AGMO: variants seen among roughly 807,000 people sequenced by gnomAD.
The protein encoded by AGMO is alkylglycerol monooxygenase.
Under a neutral mutation model 60.2 loss-of-function variants are expected in AGMO, and 75 were observed. That is an observed-to-expected ratio of 1.25 (90% CI 1.03 to 1.51). The LOEUF (loss-of-function observed/expected upper bound fraction) is 1.51, where lower values mean the gene tolerates loss of function less well. Among genes scored for constraint, AGMO ranks in the 40% most tolerant of loss-of-function variants. The pLI, the probability that AGMO is intolerant of heterozygous loss-of-function variation, is 0.00. For synonymous variants in AGMO, 261 were observed against 177.1 expected (o/e 1.47, Z -3.76); for missense variants, 763 against 525.5 (o/e 1.45, Z -4.42).
chr7:15,259,899 C>CAAAAAAA (rs71549927), intron 12 of AGMO, among the ~76,000 whole-genome samples: 4 of 9,410 alleles, frequency 4.3e-4, no homozygotes, highest in African/African-American at 1.0e-3. Context: ...ACAAGAACTG[C>CAAAAAAA]AAAAAAAAAA....
rs1781272892 is a variant in AGMO at position 15,201,299 on chromosome 7, G to C, written c.1324C>G (p.His442Asp). Residue 442 changes from histidine (H) to aspartate (D), a missense_variant, in exon 13 of 13, where the codon CAC becomes GAC. Coordinates refer to ENST00000342526, the MANE Select transcript of AGMO (RefSeq NM_001004320.2). ...GVRSMKQLTS[H>D]PWK Reference sequence around the variant, plus strand: ...ACAAATTCAGGTTATTTCCAAGGGTGAGAGGTGAGTTGTTTCATGCTTCTA... The same window carrying C: ...ACAAATTCAGGTTATTTCCAAGGGTCAGAGGTGAGTTGTTTCATGCTTCTA... The C allele has an allele frequency of 6.2e-7, 1 of 1,612,024 alleles. No homozygotes were observed. Among genetic ancestry groups the C allele is most frequent in the Non-Finnish European group, 8.5e-7 (1 of 1,178,838 alleles).
chr7:15,260,021 A>G (rs984611044), intron 12 of AGMO, among the ~76,000 whole-genome samples: 1 of 151,172 alleles, frequency 6.6e-6, no homozygotes, highest in African/African-American at 2.4e-5. Flanking sequence ...CAATAACACA[A>G]TGAAAAAAAA....
At chr7:15,544,745 A>G in intron 3 of AGMO, 27 bp downstream of exon 3, 2 of 1,537,922 alleles carry the variant, frequency 1.3e-6, no homozygotes, top group Non-Finnish European at 1.8e-6. Flanking sequence ...AACATAAGTT[A>G]ACAAAAAGTC....
chr7:15,292,284 T>A (rs1784285939), intron 12 of AGMO, among the ~76,000 whole-genome samples: 1 of 152,112 alleles, frequency 6.6e-6, no homozygotes, highest in Non-Finnish European at 1.5e-5. Flanking sequence ...TACAGCAGCA[T>A]CTCTGAAAGG....
At chr7:15,235,797 T>C (rs1782400844) in intron 12 of AGMO, among the ~76,000 whole-genome samples, 1 of 152,142 alleles carries the variant, frequency 6.6e-6, no homozygotes, top group South Asian at 2.1e-4. Context: ...CAATTCACTT[T>C]GGAAAGTAAT....
intron 10 of AGMO, among the ~76,000 whole-genome samples, chr7:15,383,061 G>A (rs1006721193): frequency 6.6e-6 from 1 of 151,762 alleles, no homozygotes; most frequent in African/African-American, 2.4e-5. Context: ...AGTTGACCCT[G>A]CCCTCCCATT....
chr7:15,284,779 A>C (rs2128519961), intron 12 of AGMO, among the ~76,000 whole-genome samples: 1 of 152,170 alleles, frequency 6.6e-6, no homozygotes, highest in East Asian at 1.9e-4. Flanking sequence ...ACAACAAAAA[A>C]GAAAACCACA....
the AGMO span, among the ~76,000 whole-genome samples, chr7:15,179,693 C>G: frequency 6.6e-6 from 1 of 152,104 alleles, no homozygotes; most frequent in Admixed American, 6.5e-5. Context: ...AGGCACTGCC[C>G]TAGTGGAGAT....
intron 12 of AGMO, among the ~76,000 whole-genome samples, chr7:15,363,575 T>G (rs1782848018): frequency 6.6e-6 from 1 of 152,170 alleles, no homozygotes; most frequent in Admixed American, 6.6e-5. Flanking sequence ...CAATACGGCT[T>G]CAAAGTTCAA....
chr7:15,339,755 C>T (rs1159445258), intron 12 of AGMO, among the ~76,000 whole-genome samples: 1 of 152,074 alleles, frequency 6.6e-6, no homozygotes, highest in Non-Finnish European at 1.5e-5. Flanking sequence ...GCAAAAATCC[C>T]CCCAAAAGTT....
At chr7:15,346,788 A>C (rs1161250045) in intron 12 of AGMO, among the ~76,000 whole-genome samples, 1 of 151,968 alleles carries the variant, frequency 6.6e-6, no homozygotes, top group Admixed American at 6.6e-5. Context: ...GCAAAAAAAC[A>C]AGTTGTCTGA....
chr7:15,199,727 T>A (rs1003326573), downstream of AGMO, among the ~76,000 whole-genome samples: 1 of 152,160 alleles, frequency 6.6e-6, no homozygotes, highest in Non-Finnish European at 1.5e-5. Flanking sequence ...AAATTGTTGT[T>A]AAGGGACAAA....
At chr7:15,392,315 C>T (rs1784176356) in intron 6 of AGMO, among the ~76,000 whole-genome samples, 1 of 129,452 alleles carries the variant, frequency 7.7e-6, no homozygotes, top group South Asian at 2.3e-4. Flanking sequence ...ACCTCGTGAT[C>T]CGCGATCCGC....
At chr7:15,340,044 G>C (rs1781791452) in intron 12 of AGMO, among the ~76,000 whole-genome samples, 1 of 152,156 alleles carries the variant, frequency 6.6e-6, no homozygotes, top group South Asian at 2.1e-4. Context: ...CAAGTTGCTT[G>C]AGACTAGAAG....
At chr7:15,331,800 C>T (rs560038123) in intron 12 of AGMO, among the ~76,000 whole-genome samples, 7 of 152,074 alleles carry the variant, frequency 4.6e-5, no homozygotes, top group East Asian at 1.9e-4. Context: ...GTGGCCCATG[C>T]CTATAATCAC....
At chr7:15,294,402 GAGTAAATTGGTC>G (rs1260983411) in intron 12 of AGMO, among the ~76,000 whole-genome samples, 2 of 151,798 alleles carry the variant, frequency 1.3e-5, no homozygotes, top group Non-Finnish European at 2.9e-5. Context: ...AAAAGCAAGA[GAGTAAATTGGTC>G]AATAAATTGC....
intron 12 of AGMO, among the ~76,000 whole-genome samples, chr7:15,234,528 T>C (rs559933204): frequency 6.6e-6 from 1 of 152,276 alleles, no homozygotes; most frequent in African/African-American, 2.4e-5. Context: ...AAACCCAATC[T>C]CTTTTTGGTT....
At chr7:15,242,566 A>G (rs1360845974) in intron 12 of AGMO, among the ~76,000 whole-genome samples, 1 of 152,178 alleles carries the variant, frequency 6.6e-6, no homozygotes, top group Non-Finnish European at 1.5e-5. Flanking sequence ...TAACCTGGGC[A>G]TATTGGTCCC....
chr7:15,355,372 G>A (rs368538799), intron 12 of AGMO, among the ~76,000 whole-genome samples: 5 of 151,624 alleles, frequency 3.3e-5, no homozygotes, highest in Admixed American at 6.6e-5. Context: ...GCATGGTGGC[G>A]GATGCCTGTA....
Sources: gnomAD v4.1 joint callset for allele counts (sites outside exome capture counted in the v4.1 genomes callset) on GRCh38, gnomAD v4.1.1 for gene constraint, MANE v1.5 for transcripts, NCBI Gene and HGNC (gene_info 2026-07-23, HGNC 2026-07-21) for gene names.